FIS1: variants seen among roughly 807,000 people sequenced by gnomAD.
FIS1 encodes the protein mitochondrial fission 1 protein.
In FIS1, 16 loss-of-function variants were observed where a neutral mutation model predicts 21.6. The observed-to-expected ratio is 0.74, with a 90% confidence interval of 0.50 to 1.12. The LOEUF is 1.12. Ranked by LOEUF, FIS1 falls within the 50% of genes most tolerant of loss-of-function variation. FIS1 has a pLI of 0.00. For synonymous variants in FIS1, 92 were observed against 82.2 expected, an observed-to-expected ratio of 1.12 and a Z score of -0.65; for missense variants, 198 against 190.9, an observed-to-expected ratio of 1.04 and a Z score of -0.22.
At position 101,240,706 on chromosome 7, in the gene FIS1, G is replaced by T; in HGVS notation, c.255+124C>A. The stretch of plus-strand genomic sequence containing the variant: ...TGATCTTCCCTCGGAGTCCTCATCT[G>T]ACACCGCTCTGCACCTCTGCACCCC... On this transcript the variant is annotated intron_variant, in intron 3 of 4. Transcript: ENST00000223136. 8 of 899,988 alleles carry T rather than the reference G, an allele frequency of 8.9e-6. No homozygotes were observed. The South Asian group carries it at 1.2e-4, about 13-fold the overall frequency. 55.8% of individuals were successfully genotyped at this position (899,988 alleles called of 1,614,324 possible). A position where few individuals can be genotyped will look rare whatever the true frequency, so the allele number is the denominator to read the frequency against.
At position 101,240,111 on chromosome 7, in the gene FIS1, C is replaced by T. The variant is rs758795270; in HGVS notation, c.361+31G>A. ...CAAAGTGCCCAGGCGTGGGGAAGAG[C>T]GGGGCTGAACAAAGGGGCCGAGGCT... On this transcript the variant is annotated intron_variant, in intron 4 of 4. Coordinates refer to ENST00000223136, the MANE Select transcript of FIS1 (RefSeq NM_016068.3). 14 of 1,608,082 alleles carry T rather than the reference C, an allele frequency of 8.7e-6. No homozygotes were observed. The East Asian group carries it at 1.8e-4, about 20-fold the overall frequency.
intron 3 of FIS1, 128 bp from the exon 4 acceptor site, chr7:101,240,375 T>C: frequency 1.2e-6 from 1 of 854,836 alleles, no homozygotes; most frequent in African/African-American, 1.7e-5. Flanking sequence ...CACAGCCCAC[T>C]GCAACCTCAA....
chr7:101,240,703 T>G (rs1453686075), intron 3 of FIS1, 127 bp downstream of exon 3: 1 of 875,704 alleles, frequency 1.1e-6, no homozygotes, highest in Non-Finnish European at 1.9e-6. Context: ...GGAGTCCTCA[T>G]CTGACACCGC....
Position 101,239,828 on chromosome 7 carries a change from G to T in FIS1, c.437C>A (p.Ala146Asp). The change falls in exon 5 of 5, where the codon GCT becomes GAT. Residue 146 changes from alanine (A) to aspartate (D), a missense_variant. Ala to Asp is a moderately radical substitution (Grantham distance 126, BLOSUM62 -2). Coordinates refer to ENST00000223136, the MANE Select transcript of FIS1 (RefSeq NM_016068.3). Reference protein sequence around the residue: ...VAGLAGLIGLAVSKSKS With the variant: ...VAGLAGLIGLDVSKSKS ...CCTTCAGGATTTGGACTTGGACACA[G>T]CAAGTCCGATGAGTCCGGCCAGTCC... 8 of 1,596,408 alleles carry T rather than the reference G, an allele frequency of 5.0e-6. No homozygotes were observed. Among genetic ancestry groups the T allele is most frequent in the Non-Finnish European group, 6.8e-6 (8 of 1,171,266 alleles).
At chr7:101,242,958 A>G (rs780235727) in intron 2 of FIS1, among the ~76,000 whole-genome samples, 1 of 152,152 alleles carries the variant, frequency 6.6e-6, no homozygotes, top group Non-Finnish European at 1.5e-5. Flanking sequence ...ACAATACAGT[A>G]TACTATTTAC....
rs1798704961 is a variant in FIS1, at chr7:101,239,607, G to A, written c.*199C>T. 4 of 610,418 alleles carry A rather than the reference G, an allele frequency of 6.6e-6. No individual in the cohort carries two copies. The highest frequency in any genetic ancestry group is 1.7e-5 in the South Asian group (1 of 58,184). 37.8% of individuals were successfully genotyped at this position (610,418 alleles called of 1,614,324 possible). Reference sequence around the variant, plus strand: ...CCACCCCTCCCCTCAACGCAGACACGGGGGTTCCCAAGCCACAGCCCCGTT... The same window carrying A: ...CCACCCCTCCCCTCAACGCAGACACAGGGGTTCCCAAGCCACAGCCCCGTT... On this transcript the variant is annotated 3_prime_UTR_variant, in exon 5 of 5. Coordinates refer to ENST00000223136, the MANE Select transcript of FIS1 (RefSeq NM_016068.3).
At chr7:101,241,107 C>A (rs757592961) in intron 2 of FIS1, 25 of 598,164 alleles carry the variant, frequency 4.2e-5, no homozygotes, top group Non-Finnish European at 6.9e-5. Context: ...TGTGCCAACA[C>A]CCCAGTGACA....
intron 2 of FIS1, among the ~76,000 whole-genome samples, chr7:101,242,548 G>T (rs1798764232): frequency 6.7e-6 from 1 of 149,844 alleles, no homozygotes; most frequent in Admixed American, 6.7e-5. Flanking sequence ...GAGTGCAATG[G>T]CGTGATCTTG....
In FIS1 at chr7:101,244,502, C is replaced by T. The variant is rs540652522; in HGVS notation, c.46-363G>A. On this transcript the variant is annotated intron_variant, in intron 1 of 4. Coordinates refer to ENST00000223136, the MANE Select transcript of FIS1 (RefSeq NM_016068.3). ...ATTTGAGGCTGCTGGCCCCATCCTG[C>T]CCCACCCTGCCGGGCCTGGACCTTT... is the stretch of plus-strand genomic sequence containing the variant. The T allele has an allele frequency of 1.6e-3, 529 of 339,612 alleles. 1 individual carries two copies. Among genetic ancestry groups the T allele is most frequent in the Non-Finnish European group, 2.1e-3 (390 of 181,554 alleles). 21.0% of individuals were successfully genotyped at this position (339,612 alleles called of 1,614,324 possible).
chr7:101,240,217 C>T lies in FIS1; in HGVS notation c.286G>A (p.Gly96Arg), dbSNP rs973419644. 5.0e-6 allele frequency: 8 copies of T among 1,614,208 alleles called. No individual in the cohort carries two copies. Among genetic ancestry groups the T allele is most frequent in the South Asian group, 3.3e-5 (3 of 91,088 alleles). Reference sequence around the variant, plus strand: ...TTCTGGGGCTCTGTCTGCAGCAACCCGCGGACGTACTTTAAGGCCTTCTCG... The same window carrying T: ...TTCTGGGGCTCTGTCTGCAGCAACCTGCGGACGTACTTTAAGGCCTTCTCG... ...EYEKALKYVR[G>R]LLQTEPQNNQ... is the part of the protein sequence containing the mutation. The change falls in exon 4 of 5, where the codon GGG becomes AGG. Residue 96 changes from glycine (G) to arginine (R), a missense_variant. Gly to Arg is a moderately radical substitution (Grantham distance 125). Transcript: ENST00000223136.
chr7:101,240,876 T>G lies in FIS1; in HGVS notation c.209A>C (p.Gln70Pro), dbSNP rs1258887849. 1 of 1,614,156 alleles carries G rather than the reference T, an allele frequency of 6.2e-7. No individual in the cohort carries two copies. The highest frequency in any genetic ancestry group is 8.5e-7 in the Non-Finnish European group (1 of 1,180,040). ...GGCCAGGTAGAAGACGTAATCCCGC[T>G]GTTCCTCCTTGCTCCCTTTGGGCAG... ...ELLPKGSKEEQRDYVFYLAVG... is the reference protein window; with the variant it reads ...ELLPKGSKEEPRDYVFYLAVG... The change falls in exon 3 of 5, where the codon CAG becomes CCG. Residue 70 changes from glutamine to proline, a missense_variant. Physicochemically the swap from Gln to Pro is moderately conservative, Grantham distance 76. Transcript: ENST00000223136.
chr7:101,242,753 C>T (rs1032393051), intron 2 of FIS1, among the ~76,000 whole-genome samples: 2 of 151,990 alleles, frequency 1.3e-5, no homozygotes, highest in African/African-American at 4.8e-5. Context: ...TCCCAAGGTG[C>T]TGGGATTACA....
At chr7:101,243,776 C>T (rs1798777542) in intron 2 of FIS1, among the ~76,000 whole-genome samples, 1 of 152,186 alleles carries the variant, frequency 6.6e-6, no homozygotes. Context: ...TGGGTGACCT[C>T]AAGTCACTTT....
intron 3 of FIS1, 32 bp downstream of exon 3, chr7:101,240,798 G>A (rs774812654): frequency 1.9e-6 from 3 of 1,605,612 alleles, no homozygotes; most frequent in Non-Finnish European, 2.6e-6. Flanking sequence ...CAGCCCCAGA[G>A]GAGGGTGAAG....
chr7:101,241,949 C>A (rs1344361670), intron 2 of FIS1, among the ~76,000 whole-genome samples: 2 of 151,306 alleles, frequency 1.3e-5, no homozygotes, highest in African/African-American at 2.4e-5. Flanking sequence ...AAAAAAAAAA[C>A]AAAAAACGGA....
Position 101,244,979 on chromosome 7 carries a change from A to G in FIS1, c.26T>C (p.Val9Ala). 6.2e-7 allele frequency: 1 copy of G among 1,613,980 alleles called. No homozygotes were observed. Among genetic ancestry groups the G allele is most frequent in the Non-Finnish European group, 8.5e-7 (1 of 1,179,936 alleles). The change falls in exon 1 of 5, where the codon GTG becomes GCG. Residue 9 changes from valine to alanine, a missense_variant. Val to Ala is a moderately conservative substitution (Grantham distance 64). Transcript: ENST00000223136. ...CCTCACCAGCAGGTCCTCCACAGACACCAGCTCGTTCAGCACGGCCTCCAT... is the reference window on the plus strand; with the variant it reads ...CCTCACCAGCAGGTCCTCCACAGACGCCAGCTCGTTCAGCACGGCCTCCAT... MEAVLNEL[V>A]SVEDLLKFEK...
rs1248119807 is a variant in FIS1, at chr7:101,244,859, T to G, written c.45+101A>C. On this transcript the variant is annotated intron_variant, in intron 1 of 4. Coordinates refer to ENST00000223136, the MANE Select transcript of FIS1 (RefSeq NM_016068.3). ...GCCGGGAGCCGTAGTTCGGCTTCCC[T>G]CGGCCAAGCCGATGCCGGGAGGAGG... 6 of 1,486,016 alleles carry G rather than the reference T, an allele frequency of 4.0e-6. No homozygotes were observed. The Admixed American group carries it at 7.1e-5, about 18-fold the overall frequency. 92.1% of individuals were successfully genotyped at this position (1,486,016 alleles called of 1,614,324 possible). A position where few individuals can be genotyped will look rare whatever the true frequency, so the allele number is the denominator to read the frequency against.
At chr7:101,244,878 G>A in intron 1 of FIS1, 82 bp downstream of exon 1, 1 of 1,556,354 alleles carries the variant, frequency 6.4e-7, no homozygotes, top group Non-Finnish European at 8.8e-7. Context: ...CCGATGCCGG[G>A]AGGAGGGTTC....
Position 101,240,891 on chromosome 7 carries a change from C to T in FIS1, c.194G>A (p.Gly65Glu). The stretch of plus-strand genomic sequence containing the variant: ...GTAATCCCGCTGTTCCTCCTTGCTC[C>T]CTTTGGGCAGCAGCTCTGGGGAGGG... ...IVLLEELLPK[G>E]SKEEQRDYVF... Residue 65 changes from glycine (G) to glutamate (E), a missense_variant, in exon 3 of 5, where the codon GGG becomes GAG. Gly to Glu is a moderately conservative substitution (Grantham distance 98, BLOSUM62 -2). Coordinates refer to ENST00000223136, the MANE Select transcript of FIS1 (RefSeq NM_016068.3). 6.2e-7 allele frequency: 1 copy of T among 1,614,154 alleles called. No homozygotes were observed. The highest frequency in any genetic ancestry group is 1.1e-5 in the South Asian group (1 of 91,080).
Sources: gnomAD v4.1 joint callset for allele counts (sites outside exome capture counted in the v4.1 genomes callset) on GRCh38, gnomAD v4.1.1 for gene constraint, MANE v1.5 for transcripts, NCBI Gene and HGNC (gene_info 2026-07-23, HGNC 2026-07-21) for gene names.